ABLIM1: variants seen among roughly 807,000 people sequenced by gnomAD.
ABLIM1 encodes the protein actin-binding LIM protein 1.
In ABLIM1, 40 loss-of-function variants were observed where a neutral mutation model predicts 107.0. The observed-to-expected ratio is 0.37, with a 90% CI of 0.29 to 0.49. The LOEUF is 0.49. ABLIM1 is among the 20% of genes least tolerant of loss of function. The pLI is 0.97. For missense variants in ABLIM1, 857 were observed against 1,008.5 expected (o/e 0.85, Z 2.04); for synonymous variants, 357 against 357.3 (o/e 1.00, Z 0.01).
intron 4 of ABLIM1, among the ~76,000 whole-genome samples, chr10:114,569,148 A>C (rs2071255324): frequency 6.6e-6 from 1 of 152,142 alleles, no homozygotes; most frequent in South Asian, 2.1e-4. Context: ...TGTGACCTTA[A>C]GTATGCCCGT....
At chr10:114,468,280 T>G (rs1259293494) in intron 10 of ABLIM1, 64 bp from the exon 11 acceptor site, 1 of 1,514,586 alleles carries the variant, frequency 6.6e-7, no homozygotes, top group African/African-American at 1.4e-5. Flanking sequence ...TTTGTTTGTT[T>G]GTTTGTTTGT....
intron 1 of ABLIM1, among the ~76,000 whole-genome samples, chr10:114,726,268 G>C (rs888386313): frequency 6.6e-6 from 1 of 152,122 alleles, no homozygotes; most frequent in Non-Finnish European, 1.5e-5. Context: ...AAAAGGTTTT[G>C]TGAGTTTGTT....
chr10:114,559,036 G>A lies in ABLIM1; in HGVS notation c.674-11260C>T, dbSNP rs1268959326. Among the ~76,000 whole-genome samples, 4 of 151,882 alleles carry A rather than the reference G, an allele frequency of 2.6e-5. No individual in the cohort carries two copies. In the East Asian group the frequency reaches 7.7e-4, roughly 29 times the overall value. On this transcript the variant is annotated intron_variant, in intron 4 of 22. Transcript: ENST00000533213. ...ATATTCTTAACTTCAAAATGACCAG[G>A]TAACAATTTCAAAAGCCCAGCTGAT...
intron 1 of ABLIM1, among the ~76,000 whole-genome samples, chr10:114,723,735 G>T (rs1198084593): frequency 1.3e-5 from 2 of 152,150 alleles, no homozygotes; most frequent in Non-Finnish European, 2.9e-5. Context: ...CACACTTGAG[G>T]GTTATCTGAT....
chr10:114,615,368 G>T (rs908913301), intron 1 of ABLIM1, among the ~76,000 whole-genome samples: 1 of 152,066 alleles, frequency 6.6e-6, no homozygotes, highest in African/African-American at 2.4e-5. Flanking sequence ...TGCGAGCCCA[G>T]CTCCCTCTCC....
chr10:114,726,757 G>A (rs947949733), intron 1 of ABLIM1, among the ~76,000 whole-genome samples: 2 of 152,074 alleles, frequency 1.3e-5, no homozygotes, highest in South Asian at 4.2e-4. Flanking sequence ...CTCCAGCCTG[G>A]TCAGTAGAGT....
chr10:114,463,573 GT>G lies in ABLIM1; in HGVS notation c.1441+2124del, dbSNP rs11380542. ...CATTGTATTTATATGTAAGGGTCAG[GT>G]TTTTTTTTTCTTAAGCAAACATCCC... On this transcript the variant is annotated intron_variant, in intron 12 of 22. Coordinates refer to ENST00000533213, the MANE Select transcript of ABLIM1 (RefSeq NM_002313.7). Among the ~76,000 whole-genome samples, 10 of 150,426 alleles carry G rather than the reference GT, an allele frequency of 6.6e-5. No individual in the cohort carries two copies. The East Asian group carries it at 7.8e-4, about 12-fold the overall frequency.
the ABLIM1 span, chr10:114,776,015 G>A: frequency 6.6e-6 from 1 of 152,254 alleles, no homozygotes; most frequent in African/African-American, 2.4e-5. Context: ...CGTGGCATAG[G>A]TGATCTTGAC....
chr10:114,683,694 A>G (rs1163365482), intron 1 of ABLIM1, among the ~76,000 whole-genome samples: 1 of 152,186 alleles, frequency 6.6e-6, no homozygotes, highest in Non-Finnish European at 1.5e-5. Context: ...GTCCAGTATC[A>G]AAGGAATCAG....
chr10:114,729,506 A>G (rs2142135392), intron 1 of ABLIM1, among the ~76,000 whole-genome samples: 1 of 152,274 alleles, frequency 6.6e-6, no homozygotes, highest in Non-Finnish European at 1.5e-5. Context: ...AAATTGAAAC[A>G]GAAGCTACTG....
At chr10:114,465,658 G>C in intron 12 of ABLIM1, 40 bp downstream of exon 12, 1 of 1,594,490 alleles carries the variant, frequency 6.3e-7, no homozygotes, top group Non-Finnish European at 8.6e-7. Context: ...CAGAAACATA[G>C]TTTGTTATAT....
chr10:114,499,261 A>G (rs1014257858), intron 6 of ABLIM1, among the ~76,000 whole-genome samples: 2 of 152,250 alleles, frequency 1.3e-5, no homozygotes, highest in Non-Finnish European at 2.9e-5. Context: ...GACCCTTGAG[A>G]AATACCAAAG....
intron 22 of ABLIM1, 104 bp downstream of exon 22, chr10:114,437,740 A>ATTTTT: frequency 2.1e-6 from 2 of 957,308 alleles, no homozygotes; most frequent in Non-Finnish European, 3.2e-6. Context: ...GATCTTTATA[A>ATTTTT]TTTTTTTTTG....
At chr10:114,453,785 A>C (rs1428760941) in intron 12 of ABLIM1, among the ~76,000 whole-genome samples, 1 of 152,052 alleles carries the variant, frequency 6.6e-6, no homozygotes, top group East Asian at 1.9e-4. Flanking sequence ...GATGGAGGGG[A>C]GATTGGGAGC....
At chr10:114,569,477 G>C (rs1298260293) in intron 4 of ABLIM1, among the ~76,000 whole-genome samples, 1 of 151,834 alleles carries the variant, frequency 6.6e-6, no homozygotes, top group African/African-American at 2.4e-5. Flanking sequence ...CCGCCACCAC[G>C]CTCGGCTAAT....
intron 6 of ABLIM1, among the ~76,000 whole-genome samples, chr10:114,504,517 A>G (rs1565669531): frequency 6.6e-6 from 1 of 152,202 alleles, no homozygotes; most frequent in Non-Finnish European, 1.5e-5. Flanking sequence ...CCGCCTGGTA[A>G]GATCCAGTGG....
chr10:114,684,353 T>G (rs2080874631), exon 1 of ABLIM1: 2 of 1,614,008 alleles, frequency 1.2e-6, no homozygotes, highest in Non-Finnish European at 1.7e-6. Context: ...GTCATTAACA[T>G]GCACAAAGCT....
intron 12 of ABLIM1, among the ~76,000 whole-genome samples, chr10:114,455,014 T>C (rs924084799): frequency 1.3e-5 from 2 of 152,334 alleles, no homozygotes; most frequent in Non-Finnish European, 2.9e-5. Context: ...AAATAAATCA[T>C]AGATCATCAG....
chr10:114,718,876 G>A (rs759205833), intron 1 of ABLIM1, among the ~76,000 whole-genome samples: 5 of 152,158 alleles, frequency 3.3e-5, no homozygotes, highest in African/African-American at 9.7e-5. Context: ...ATAAATATGC[G>A]TATACATGTG....
Sources: gnomAD v4.1 joint callset for allele counts (sites outside exome capture counted in the v4.1 genomes callset) on GRCh38, gnomAD v4.1.1 for gene constraint, MANE v1.5 for transcripts, NCBI Gene and HGNC (gene_info 2026-07-23, HGNC 2026-07-21) for gene names.